Variants in MCM9 observed in about 807,000 individuals in gnomAD.
The protein encoded by MCM9 is minichromosome maintenance 9 homologous recombination repair factor.
Under a neutral mutation model 72.8 loss-of-function variants are expected in MCM9, and 55 were observed. The ratio of observed to expected loss-of-function variants is 0.76; its 90% CI spans 0.61 to 0.95. The LOEUF is 0.95. Ranked by LOEUF, MCM9 falls within the 40% of genes least tolerant of loss-of-function variation. The pLI is 0.00. For missense variants in MCM9, 1,279 were observed against 1,377.0 expected (o/e 0.93, Z 1.13); for synonymous variants, 480 against 503.4 (o/e 0.95, Z 0.62).
intron 8 of MCM9, among the ~76,000 whole-genome samples, chr6:118,871,401 C>CA (rs1397895708): frequency 6.6e-6 from 1 of 152,084 alleles, no homozygotes; most frequent in Admixed American, 6.5e-5. Context: ...AATAGATGTA[C>CA]AAAAAACATT....
At chr6:118,934,633 G>A (rs374569220) in intron 1 of MCM9, among the ~76,000 whole-genome samples, 3 of 152,064 alleles carry the variant, frequency 2.0e-5, no homozygotes, top group East Asian at 3.9e-4. Context: ...GCTGCCCCAG[G>A]GGCGCCTGGC....
At chr6:118,830,451 T>C (rs1562401836) in intron 9 of MCM9, among the ~76,000 whole-genome samples, 1 of 152,184 alleles carries the variant, frequency 6.6e-6, no homozygotes, top group Non-Finnish European at 1.5e-5. Flanking sequence ...AAAACTAAAT[T>C]CCCTTTTAAA....
At chr6:118,868,244 T>C (rs1777352311) in intron 8 of MCM9, among the ~76,000 whole-genome samples, 1 of 152,038 alleles carries the variant, frequency 6.6e-6, no homozygotes, top group South Asian at 2.1e-4. Flanking sequence ...TTTTAAGGAA[T>C]GCAAATTATA....
chr6:118,840,992 C>T (rs1775326819), intron 9 of MCM9, among the ~76,000 whole-genome samples: 1 of 152,206 alleles, frequency 6.6e-6, no homozygotes, highest in South Asian at 2.1e-4. Flanking sequence ...CATCCCTGCC[C>T]CTGCCTTGGC....
At chr6:118,896,325 T>C (rs1779409212) in intron 8 of MCM9, among the ~76,000 whole-genome samples, 1 of 152,174 alleles carries the variant, frequency 6.6e-6, no homozygotes, top group South Asian at 2.1e-4. Context: ...GATCGGTCCA[T>C]TCCAACTTAT....
intron 8 of MCM9, among the ~76,000 whole-genome samples, chr6:118,895,670 C>T (rs901490164): frequency 2.6e-5 from 4 of 152,078 alleles, no homozygotes; most frequent in East Asian, 1.9e-4. Context: ...AAAGCTAAAA[C>T]GACAATTATC....
At chr6:118,833,225 G>A (rs1051441902) in intron 9 of MCM9, among the ~76,000 whole-genome samples, 1 of 152,070 alleles carries the variant, frequency 6.6e-6, no homozygotes, top group African/African-American at 2.4e-5. Flanking sequence ...GCAGGCACGT[G>A]GTGAGCACAG....
At position 118,932,072 on chromosome 6, in the gene MCM9, G is replaced by C. The variant is rs902341199; in HGVS notation, c.-15-334C>G. Among the ~76,000 whole-genome samples the C allele has an allele frequency of 3.5e-4, 54 of 152,186 alleles. 1 individual carries two copies. The highest frequency in any genetic ancestry group is 8.5e-4 in the Admixed American group (13 of 15,296). Reference sequence around the variant, plus strand: ...AGGCATGCACCTAACAACATTTCCGGACTGCACTTATAATAGTGGTCTCAT... The same window carrying C: ...AGGCATGCACCTAACAACATTTCCGCACTGCACTTATAATAGTGGTCTCAT... On this transcript the variant is annotated intron_variant, in intron 2 of 13. Coordinates refer to ENST00000619706, the MANE Select transcript of MCM9 (RefSeq NM_017696.3).
At chr6:118,845,031 G>A (rs1341031) in intron 9 of MCM9, among the ~76,000 whole-genome samples, 148,174 of 151,796 alleles carry the variant, frequency 0.98, 72,541 homozygotes, top group Middle Eastern at 1. Context: ...GCCAATCAAT[G>A]AACTAGCCAG....
At chr6:118,884,361 A>C (rs770774665) in intron 8 of MCM9, among the ~76,000 whole-genome samples, 1 of 152,206 alleles carries the variant, frequency 6.6e-6, no homozygotes, top group South Asian at 2.1e-4. Flanking sequence ...AAATAAGTCT[A>C]CATCTGAAAC....
intron 8 of MCM9, among the ~76,000 whole-genome samples, chr6:118,897,076 C>G (rs1461959438): frequency 1.3e-5 from 2 of 152,136 alleles, no homozygotes; most frequent in Non-Finnish European, 2.9e-5. Context: ...TGGGCTCAAG[C>G]AGTCCTCCCA....
chr6:118,930,433 A>T (rs992736109), intron 3 of MCM9, among the ~76,000 whole-genome samples: 2 of 152,186 alleles, frequency 1.3e-5, no homozygotes, highest in African/African-American at 4.8e-5. Flanking sequence ...ATTTTTAAAC[A>T]AAAGGGTATG....
chr6:118,896,028 A>C (rs1451744379), intron 8 of MCM9, among the ~76,000 whole-genome samples: 1 of 148,842 alleles, frequency 6.7e-6, no homozygotes, highest in African/African-American at 2.5e-5. Flanking sequence ...TTATTACTTT[A>C]ACATGTGCCC....
chr6:118,836,725 T>C (rs1304238426), intron 9 of MCM9, among the ~76,000 whole-genome samples: 2 of 152,180 alleles, frequency 1.3e-5, no homozygotes, highest in Admixed American at 6.5e-5. Context: ...GTCTATGTGA[T>C]TCTTCTCTCT....
chr6:118,850,311 T>G (rs1031656182), intron 9 of MCM9, among the ~76,000 whole-genome samples: 6 of 151,864 alleles, frequency 4.0e-5, no homozygotes, highest in Non-Finnish European at 7.3e-5. Context: ...GAAACTATTT[T>G]GGAGATGTAA....
chr6:118,883,243 A>T (rs1420542776), intron 8 of MCM9, among the ~76,000 whole-genome samples: 1 of 152,118 alleles, frequency 6.6e-6, no homozygotes, highest in Non-Finnish European at 1.5e-5. Context: ...TGCAGAAGAA[A>T]AAGTCAGCAA....
intron 5 of MCM9, chr6:118,919,490 T>C (rs1781257181): frequency 6.6e-6 from 1 of 152,204 alleles, no homozygotes; most frequent in Non-Finnish European, 1.5e-5. Context: ...GCTCAGTAAA[T>C]ATTAGCTCTT....
chr6:118,892,253 ATGT>A (rs1778997089), intron 8 of MCM9, among the ~76,000 whole-genome samples: 1 of 152,240 alleles, frequency 6.6e-6, no homozygotes, highest in African/African-American at 2.4e-5. Context: ...TTCCAGTGAA[ATGT>A]TGGGGAGTTT....
intron 9 of MCM9, 49 bp from the exon 10 acceptor site, chr6:118,829,299 T>A (rs1300085796): frequency 2.0e-6 from 3 of 1,490,976 alleles, no homozygotes; most frequent in Admixed American, 4.4e-5. Flanking sequence ...TCAGATAAAA[T>A]GCAAGATTAC....
Sources: gnomAD v4.1 joint callset for allele counts (sites outside exome capture counted in the v4.1 genomes callset) on GRCh38, gnomAD v4.1.1 for gene constraint, MANE v1.5 for transcripts, NCBI Gene and HGNC (gene_info 2026-07-23, HGNC 2026-07-21) for gene names.